CPM: variants seen among roughly 807,000 people sequenced by gnomAD.
CPM encodes renal carboxypeptidase.
A neutral mutation model predicts 46.4 loss-of-function variants in CPM; 35 were observed. That is an observed-to-expected ratio of 0.75 (90% CI 0.58 to 1.00). The LOEUF is 1.00. Among genes scored for constraint, CPM ranks in the 50% least tolerant of loss-of-function variants. The probability of loss-of-function intolerance (pLI) is 0.00; values close to 1 mark genes in which losing one functional copy is unlikely to be tolerated. For synonymous variants in CPM, 195 were observed against 195.3 expected (o/e 1.00, Z 0.01); for missense variants, 422 against 530.4 (o/e 0.80, Z 2.01).
chr12:68,861,858 A>G (rs1221713833), intron 7 of CPM, among the ~76,000 whole-genome samples: 2 of 147,982 alleles, frequency 1.4e-5, no homozygotes, highest in Non-Finnish European at 3.0e-5. Context: ...CATTGGAGAT[A>G]ATGATGAAAT....
chr12:68,861,295 G>T (rs1294221843), intron 7 of CPM, among the ~76,000 whole-genome samples: 1 of 152,156 alleles, frequency 6.6e-6, no homozygotes, highest in Non-Finnish European at 1.5e-5. Flanking sequence ...CACAAAGCAG[G>T]AATATGTGAG....
At chr12:68,906,001 C>G (rs540937162) in intron 2 of CPM, among the ~76,000 whole-genome samples, 21 of 152,286 alleles carry the variant, frequency 1.4e-4, no homozygotes, top group African/African-American at 5.1e-4. Flanking sequence ...GCTGCAAGAA[C>G]ACCTTGGCAT....
intron 2 of CPM, among the ~76,000 whole-genome samples, chr12:68,887,221 G>A (rs1886473459): frequency 1.3e-5 from 2 of 152,168 alleles, no homozygotes; most frequent in Non-Finnish European, 2.9e-5. Flanking sequence ...TTAGAGATGT[G>A]GGTATGTTTG....
At chr12:68,932,928 G>C (rs998515869) in intron 1 of CPM, 88 bp from the exon 2 acceptor site, 1 of 1,266,306 alleles carries the variant, frequency 7.9e-7, no homozygotes, top group Non-Finnish European at 1.1e-6. Flanking sequence ...TCCGGTCTCA[G>C]GGTCTCCCGA....
chr12:68,937,528 A>G (rs1463354950), upstream of CPM, among the ~76,000 whole-genome samples: 1 of 152,354 alleles, frequency 6.6e-6, no homozygotes, highest in East Asian at 1.9e-4. Flanking sequence ...CCCTGGGTTA[A>G]AGAATATTAT....
intron 1 of CPM, among the ~76,000 whole-genome samples, chr12:68,962,353 G>C (rs1252717888): frequency 1.3e-5 from 2 of 152,036 alleles, no homozygotes; most frequent in Non-Finnish European, 2.9e-5. Flanking sequence ...TAAAATGAAG[G>C]CCTCAGAAGC....
rs963548522 is a variant in CPM at position 68,862,327 on chromosome 12, C to T, written c.941-3256G>A. On this transcript the variant is annotated intron_variant, in intron 7 of 8. Coordinates refer to ENST00000551568, the MANE Select transcript of CPM (RefSeq NM_198320.5). ...TCGGCTCACTGCAACTTTCATCTCC[C>T]GGGTTCAAGCGATTCTCCTGCCTCA... Among the ~76,000 whole-genome samples the T allele has an allele frequency of 2.2e-4, 31 of 138,776 alleles. 5 individuals carry two copies. The highest frequency in any genetic ancestry group is 1.4e-3 in the Admixed American group (20 of 13,802). 91.0% of individuals were successfully genotyped at this position (138,776 alleles called of 152,430 possible). A position where few individuals can be genotyped will look rare whatever the true frequency, so the allele number is the denominator to read the frequency against.
intron 1 of CPM, among the ~76,000 whole-genome samples, chr12:68,945,188 C>A (rs189410367): frequency 1.7e-4 from 26 of 152,162 alleles, no homozygotes; most frequent in Non-Finnish European, 1.8e-4. Flanking sequence ...AATCTTGTGG[C>A]CTTTCATTAG....
At position 68,854,610 on chromosome 12, in the gene CPM, G is replaced by A. The variant is rs1356594976; in HGVS notation, c.*1827C>T. Reference sequence around the variant, plus strand: ...GGGGTAGGAAAGAAAAAATGTAGTGGGTCATAATGGCATTCCAGATACAGG... The same window carrying A: ...GGGGTAGGAAAGAAAAAATGTAGTGAGTCATAATGGCATTCCAGATACAGG... On this transcript the variant is annotated 3_prime_UTR_variant, in exon 9 of 9. Transcript: ENST00000551568. The A allele has an allele frequency of 6.6e-6, 1 of 152,118 alleles. No individual in the cohort carries two copies. Among genetic ancestry groups the A allele is most frequent in the Non-Finnish European group, 1.5e-5 (1 of 68,050 alleles). 9.4% of individuals were successfully genotyped at this position (152,118 alleles called of 1,614,324 possible).
chr12:68,962,065 T>G (rs998461098), intron 1 of CPM, among the ~76,000 whole-genome samples: 2 of 151,560 alleles, frequency 1.3e-5, no homozygotes, highest in African/African-American at 4.9e-5. Context: ...CCGGGCACGG[T>G]GGTGGGCGCC....
intron 1 of CPM, among the ~76,000 whole-genome samples, chr12:68,940,343 A>G (rs1486431516): frequency 6.6e-6 from 1 of 151,864 alleles, no homozygotes; most frequent in South Asian, 2.1e-4. Context: ...TGCATATGCT[A>G]TGAGTTTTTA....
At position 68,856,120 on chromosome 12, in the gene CPM, T is replaced by C. The variant is rs1592628975; in HGVS notation, c.*317A>G. 3.3e-6 allele frequency: 1 copy of C among 301,492 alleles called. No individual in the cohort carries two copies. Among genetic ancestry groups the C allele is most frequent in the Admixed American group, 4.6e-5 (1 of 21,542 alleles). 18.7% of individuals were successfully genotyped at this position (301,492 alleles called of 1,614,324 possible). On this transcript the variant is annotated 3_prime_UTR_variant, in exon 9 of 9. Transcript: ENST00000551568. ...CGGTTCTCTGTATACAAAATGATCT[T>C]CTTTTTGCAGGCATTTTTTTGCTTC... is the stretch of plus-strand genomic sequence containing the variant.
intron 1 of CPM, among the ~76,000 whole-genome samples, chr12:68,962,802 A>G (rs995854597): frequency 6.6e-6 from 1 of 152,244 alleles, no homozygotes; most frequent in South Asian, 2.1e-4. Context: ...CTTCGTCTCC[A>G]CAATCCTTTA....
intron 2 of CPM, among the ~76,000 whole-genome samples, chr12:68,886,511 A>G (rs998724887): frequency 3.9e-5 from 6 of 152,186 alleles, no homozygotes; most frequent in African/African-American, 1.4e-4. Flanking sequence ...GGGCGCCTGT[A>G]GTCCCAGCTA....
chr12:68,842,400 C>A (rs1235207403), intron 5 of CPM: 4 of 486,536 alleles, frequency 8.2e-6, no homozygotes, highest in Non-Finnish European at 1.6e-5. Flanking sequence ...ATCTCATTAT[C>A]TATAACCATT....
chr12:68,866,794 A>G, intron 7 of CPM, 102 bp downstream of exon 7: 4 of 970,274 alleles, frequency 4.1e-6, no homozygotes, highest in Non-Finnish European at 6.3e-6. Flanking sequence ...ATGAGGCTAT[A>G]ACTACAAAGC....
At chr12:68,921,651 A>C (rs899464436) in intron 2 of CPM, among the ~76,000 whole-genome samples, 6 of 152,192 alleles carry the variant, frequency 3.9e-5, no homozygotes, top group African/African-American at 1.4e-4. Flanking sequence ...CCTACATGCC[A>C]GTGACTTATC....
At chr12:68,843,463 T>C (rs1454265046) in intron 5 of CPM, 4 of 227,784 alleles carry the variant, frequency 1.8e-5, no homozygotes, top group Non-Finnish European at 2.6e-5. Context: ...GTATTTAACA[T>C]TTAAAATTTC....
chr12:68,934,123 C>G (rs1481174233), upstream of CPM, among the ~76,000 whole-genome samples: 2 of 152,006 alleles, frequency 1.3e-5, no homozygotes, highest in African/African-American at 2.4e-5. Context: ...TCTCCCCTTC[C>G]CTCTCTCCCC....
Sources: gnomAD v4.1 joint callset for allele counts (sites outside exome capture counted in the v4.1 genomes callset) on GRCh38, gnomAD v4.1.1 for gene constraint, MANE v1.5 for transcripts, NCBI Gene and HGNC (gene_info 2026-07-23, HGNC 2026-07-21) for gene names.